PTPRD: variants seen among roughly 807,000 people sequenced by gnomAD.
PTPRD encodes receptor-type tyrosine-protein phosphatase delta.
Under a neutral mutation model 214.5 loss-of-function variants are expected in PTPRD, and 34 were observed. That is an observed-to-expected ratio of 0.16 (90% CI 0.12 to 0.21). PTPRD has a LOEUF of 0.21. Among genes scored for constraint, PTPRD ranks in the 10% least tolerant of loss-of-function variants. The pLI, the probability that PTPRD is intolerant of heterozygous loss-of-function variation, is 1.00. For missense variants in PTPRD, 2,545 were observed against 2,398.7 expected (o/e 1.06, Z -1.27); for synonymous variants, 1,128 against 845.7 (o/e 1.33, Z -5.79).
At chr9:10,418,408 G>T (rs532356383) in intron 2 of PTPRD, among the ~76,000 whole-genome samples, 1 of 147,690 alleles carries the variant, frequency 6.8e-6, no homozygotes, top group African/African-American at 2.5e-5. Context: ...TCTACTAGTG[G>T]GGCCTTCCTT....
chr9:9,942,059 G>C (rs1012434997), intron 4 of PTPRD, among the ~76,000 whole-genome samples: 5 of 152,102 alleles, frequency 3.3e-5, no homozygotes, highest in Non-Finnish European at 7.4e-5. Flanking sequence ...TGTGAATCAT[G>C]AATCTAAGCC....
chr9:10,530,095 C>T (rs1043690556), intron 2 of PTPRD, among the ~76,000 whole-genome samples: 2 of 152,098 alleles, frequency 1.3e-5, no homozygotes, highest in African/African-American at 4.8e-5. Context: ...AAAAATATTG[C>T]AGTGATTGAC....
At chr9:10,113,053 T>A (rs566405623) in intron 3 of PTPRD, among the ~76,000 whole-genome samples, 1 of 152,318 alleles carries the variant, frequency 6.6e-6, no homozygotes, top group Admixed American at 6.5e-5. Context: ...AGTGAGACTC[T>A]TTCTGTGTCA....
Position 10,261,085 on chromosome 9 carries a change from A to G in PTPRD, c.-545+79878T>C, listed in dbSNP as rs1241829453. On this transcript the variant is annotated intron_variant, in intron 3 of 45. Coordinates refer to ENST00000381196, the MANE Select transcript of PTPRD (RefSeq NM_002839.4). ...ATATATATTATATATATGTGTGTAT[A>G]TATATATATATAGAGAGAGAGTCAC... Among the ~76,000 whole-genome samples the G allele has an allele frequency of 9.3e-3, 1,352 of 144,704 alleles. 27 individuals carry two copies. The highest frequency in any genetic ancestry group is 0.033 in the African/African-American group (1,274 of 38,930). 94.9% of individuals were successfully genotyped at this position (144,704 alleles called of 152,430 possible).
At chr9:10,287,522 A>G (rs906176226) in intron 3 of PTPRD, among the ~76,000 whole-genome samples, 1 of 152,118 alleles carries the variant, frequency 6.6e-6, no homozygotes, top group Non-Finnish European at 1.5e-5. Context: ...TGATGCCGCC[A>G]TTGCTACTGC....
chr9:10,582,109 T>C (rs914836658), intron 2 of PTPRD, among the ~76,000 whole-genome samples: 1 of 152,198 alleles, frequency 6.6e-6, no homozygotes, highest in Admixed American at 6.5e-5. Context: ...TGCTTTATTC[T>C]ACCCAGAAAT....
At chr9:8,388,356 G>C (rs1005986345) in intron 37 of PTPRD, among the ~76,000 whole-genome samples, 5 of 152,116 alleles carry the variant, frequency 3.3e-5, no homozygotes, top group Admixed American at 1.3e-4. Flanking sequence ...CACAGTAAAA[G>C]AGGCCTCTCA....
chr9:9,576,833 T>C (rs2089018682), intron 7 of PTPRD, among the ~76,000 whole-genome samples: 2 of 152,210 alleles, frequency 1.3e-5, no homozygotes, highest in African/African-American at 4.8e-5. Context: ...GATGCTAGAT[T>C]ACTCCTGCAG....
At chr9:9,495,766 T>C (rs1375647965) in intron 8 of PTPRD, among the ~76,000 whole-genome samples, 3 of 152,160 alleles carry the variant, frequency 2.0e-5, no homozygotes, top group African/African-American at 7.2e-5. Context: ...CAGGACCCAT[T>C]GAGTGCAGGT....
intron 35 of PTPRD, among the ~76,000 whole-genome samples, chr9:8,434,210 G>A (rs924448940): frequency 3.3e-5 from 5 of 152,168 alleles, no homozygotes; most frequent in Non-Finnish European, 7.3e-5. Flanking sequence ...CCGAACTCCT[G>A]AACTCAGGTG....
At chr9:8,774,526 A>ATTTTTT (rs2095382561) in intron 11 of PTPRD, among the ~76,000 whole-genome samples, 3 of 102,312 alleles carry the variant, frequency 2.9e-5, no homozygotes, top group African/African-American at 4.1e-5. Context: ...GTGAAAAGTA[A>ATTTTTT]CTTTTTTTTT....
At chr9:9,807,150 T>C (rs1198085935) in intron 5 of PTPRD, among the ~76,000 whole-genome samples, 2 of 152,184 alleles carry the variant, frequency 1.3e-5, no homozygotes, top group Admixed American at 6.6e-5. Flanking sequence ...CCTCAGTCTC[T>C]ATCTTATGCC....
chr9:9,924,082 T>C (rs2083446354), intron 5 of PTPRD, among the ~76,000 whole-genome samples: 1 of 151,962 alleles, frequency 6.6e-6, no homozygotes, highest in Admixed American at 6.6e-5. Context: ...AATGTAAACC[T>C]AGAGAATAAT....
At chr9:9,974,544 T>G (rs116084768) in intron 4 of PTPRD, among the ~76,000 whole-genome samples, 2,114 of 152,304 alleles carry the variant, frequency 0.014, 46 homozygotes, top group African/African-American at 0.048. Context: ...AAATAACATT[T>G]AAATAAACCT....
At chr9:8,581,471 G>A (rs968008470) in intron 14 of PTPRD, among the ~76,000 whole-genome samples, 7 of 152,290 alleles carry the variant, frequency 4.6e-5, no homozygotes, top group East Asian at 1.9e-4. Flanking sequence ...GGCCGGGGCC[G>A]GGCGCAGTGG....
intron 7 of PTPRD, among the ~76,000 whole-genome samples, chr9:9,678,417 T>C (rs1595000853): frequency 2.0e-5 from 3 of 152,078 alleles, no homozygotes; most frequent in African/African-American, 4.8e-5. Context: ...TAATGCCGCA[T>C]ATCTACAACC....
At chr9:9,644,288 G>A (rs184230541) in intron 7 of PTPRD, among the ~76,000 whole-genome samples, 2 of 152,234 alleles carry the variant, frequency 1.3e-5, no homozygotes, top group African/African-American at 4.8e-5. Context: ...ACTGGGAGGG[G>A]AAGAGGAAGG....
chr9:9,336,768 T>A (rs2044668827), intron 9 of PTPRD, among the ~76,000 whole-genome samples: 1 of 152,172 alleles, frequency 6.6e-6, no homozygotes, highest in African/African-American at 2.4e-5. Flanking sequence ...AAAACGCCCT[T>A]GAAATTTATA....
chr9:10,355,055 G>A (rs768035372), intron 2 of PTPRD, among the ~76,000 whole-genome samples: 9 of 151,984 alleles, frequency 5.9e-5, no homozygotes, highest in Non-Finnish European at 1.3e-4. Context: ...AAATTTCTTA[G>A]AATTGTAAAT....
Sources: gnomAD v4.1 joint callset for allele counts (sites outside exome capture counted in the v4.1 genomes callset) on GRCh38, gnomAD v4.1.1 for gene constraint, MANE v1.5 for transcripts, NCBI Gene and HGNC (gene_info 2026-07-23, HGNC 2026-07-21) for gene names.